The following NEDD8 variants were observed in gnomAD, a reference collection of about 807,000 sequenced individuals.
NEDD8 encodes NEDD8 ubiquitin like modifier.
NEDD8 carries 1 observed loss-of-function variant against 13.8 expected under a neutral mutation model. The ratio of observed to expected loss-of-function variants is 0.07; its 90% confidence interval spans 0.03 to 0.34. The LOEUF is 0.34. NEDD8 is among the 10% of genes least tolerant of loss of function. The pLI is 0.99. For missense variants in NEDD8, 10 were observed against 95.2 expected (o/e 0.10, Z 3.73); for synonymous variants, 31 against 33.2 (o/e 0.93, Z 0.23).
At chr14:24,232,037 C>A in intron 1 of NEDD8, 1 of 669,158 alleles carries the variant, frequency 1.5e-6, no homozygotes, top group East Asian at 2.9e-5. Context: ...GCAGGCATGG[C>A]AAAATACCCC....
chr14:24,227,013 GAATA>G (rs1566668549), intron 1 of NEDD8: 1 of 152,116 alleles, frequency 6.6e-6, no homozygotes, highest in African/African-American at 2.4e-5. Context: ...TAATAAGAAG[GAATA>G]AACCACAGAT....
At chr14:24,226,039 CAAAA>C (rs1228074409) in intron 1 of NEDD8, among the ~76,000 whole-genome samples, 1 of 105,798 alleles carries the variant, frequency 9.5e-6, no homozygotes, top group Non-Finnish European at 2.1e-5. Context: ...ACTCCATCTC[CAAAA>C]AAAAAAAAAA....
chr14:24,230,462 G>C (rs1439032015), intron 1 of NEDD8, among the ~76,000 whole-genome samples: 2 of 140,824 alleles, frequency 1.4e-5, no homozygotes, highest in Admixed American at 7.2e-5. Flanking sequence ...ATGAACCCGG[G>C]AGGCGAAGCT....
chr14:24,226,836 A>G (rs1480872309), intron 1 of NEDD8: 4 of 152,208 alleles, frequency 2.6e-5, no homozygotes, highest in Non-Finnish European at 5.9e-5. Context: ...ATTCTTAGGT[A>G]TTTATCCAAA....
intron 1 of NEDD8, among the ~76,000 whole-genome samples, chr14:24,230,135 T>C (rs72694322): frequency 0.017 from 2,404 of 144,600 alleles, 32 homozygotes; most frequent in Non-Finnish European, 0.028. Flanking sequence ...AAAATTAGTA[T>C]GAACTAGTAA....
chr14:24,226,013 T>A (rs995653560), intron 1 of NEDD8, among the ~76,000 whole-genome samples: 1 of 149,836 alleles, frequency 6.7e-6, no homozygotes, highest in African/African-American at 2.5e-5. Context: ...CACTCCAGCC[T>A]GGGTGACAGA....
chr14:24,230,866 C>T (rs1380448816), intron 1 of NEDD8, among the ~76,000 whole-genome samples: 1 of 152,122 alleles, frequency 6.6e-6, no homozygotes, highest in Non-Finnish European at 1.5e-5. Context: ...GATCCACCCA[C>T]CTCGGCCTCC....
chr14:24,217,989 G>A, intron 3 of NEDD8, 144 bp downstream of exon 3: 1 of 824,414 alleles, frequency 1.2e-6, no homozygotes, highest in Non-Finnish European at 1.8e-6. Flanking sequence ...ATTCTGAGAA[G>A]GGGCTTAGAG....
rs1043783430 is a variant in NEDD8, at chr14:24,217,274, T to G, written c.150-51A>C. ...AAAGAAAAAGAAGACTTAGGAGTTT[T>G]TTGTTGTTGTTGTTGTTGTTGTTGT... On this transcript the variant is annotated intron_variant, in intron 3 of 3. Transcript: ENST00000250495. 2.8e-4 allele frequency: 339 copies of G among 1,206,204 alleles called. 1 individual carries two copies. Among genetic ancestry groups the G allele is most frequent in the South Asian group, 7.0e-4 (51 of 73,270 alleles). The allele number at this position is 1,206,204 out of a possible 1,614,324, so 74.7% of individuals were successfully genotyped here. A position where few individuals can be genotyped will look rare whatever the true frequency, so the allele number is the denominator to read the frequency against.
At chr14:24,223,214 G>A (rs1235200261) in intron 1 of NEDD8, among the ~76,000 whole-genome samples, 3 of 151,862 alleles carry the variant, frequency 2.0e-5, no homozygotes, top group African/African-American at 4.8e-5. Flanking sequence ...ACCAGCCTGG[G>A]CAACATAGTG....
chr14:24,217,287 T>C (rs1658806270), intron 3 of NEDD8, 64 bp from the exon 4 acceptor site: 1 of 1,292,140 alleles, frequency 7.7e-7, no homozygotes, highest in African/African-American at 1.5e-5. Flanking sequence ...GTTGTTGTTG[T>C]TGTTGTTGTT....
intron 1 of NEDD8, among the ~76,000 whole-genome samples, chr14:24,219,513 A>G (rs531864032): frequency 1.3e-5 from 2 of 151,562 alleles, no homozygotes; most frequent in Admixed American, 6.6e-5. Flanking sequence ...AAAGTAAAAG[A>G]AAAAAGAGAA....
chr14:24,216,998 C>T lies in NEDD8; in HGVS notation c.*129G>A, dbSNP rs1205796842. 2.2e-5 allele frequency: 16 copies of T among 738,690 alleles called. No homozygotes were observed. Among genetic ancestry groups the T allele is most frequent in the Non-Finnish European group, 3.3e-5 (15 of 449,506 alleles). 45.8% of individuals were successfully genotyped at this position (738,690 alleles called of 1,614,324 possible). The stretch of plus-strand genomic sequence containing the variant: ...TACTGAATCCTGGGATCCTCACAGT[C>T]TCCCACCAGTAGACATACATTACTG... On this transcript the variant is annotated 3_prime_UTR_variant, in exon 4 of 4. Transcript: ENST00000250495.
At chr14:24,230,218 CAAAAAAAAAAAAAA>C (rs560583502) in intron 1 of NEDD8, among the ~76,000 whole-genome samples, 2 of 73,840 alleles carry the variant, frequency 2.7e-5, no homozygotes, top group Admixed American at 1.5e-4. Context: ...GACTCTGTCT[CAAAAAAAAAAAAAA>C]AAAAAAAAAA....
At chr14:24,222,466 C>T (rs2039823763) in intron 1 of NEDD8, among the ~76,000 whole-genome samples, 1 of 152,104 alleles carries the variant, frequency 6.6e-6, no homozygotes, top group African/African-American at 2.4e-5. Context: ...ATTTTAATTA[C>T]ATTATTATGC....
chr14:24,218,614 G>A, intron 1 of NEDD8, 183 bp from the exon 2 acceptor site: 1 of 819,514 alleles, frequency 1.2e-6, no homozygotes, highest in Non-Finnish European at 1.9e-6. Context: ...TTTTTAGGCT[G>A]TAAACAACTT....
Position 24,216,943 on chromosome 14 carries a change from G to A in NEDD8, c.*184C>T. On this transcript the variant is annotated 3_prime_UTR_variant, in exon 4 of 4. Coordinates refer to ENST00000250495, the MANE Select transcript of NEDD8 (RefSeq NM_006156.3). ...ACACAGGACTGCAAACTAACACCCA[G>A]TAGCCAGCAAGGGCCCTCTGGGCCA... is the stretch of plus-strand genomic sequence containing the variant. The A allele has an allele frequency of 1.7e-6, 1 of 590,816 alleles. No homozygotes were observed. Among genetic ancestry groups the A allele is most frequent in the Non-Finnish European group, 3.0e-6 (1 of 328,036 alleles). 36.6% of individuals were successfully genotyped at this position (590,816 alleles called of 1,614,324 possible).
chr14:24,226,811 T>C (rs1451996004), intron 1 of NEDD8: 4 of 152,232 alleles, frequency 2.6e-5, no homozygotes, highest in African/African-American at 9.6e-5. Flanking sequence ...ATCTACCACA[T>C]GACCTAGTAA....
At chr14:24,221,200 G>A (rs939509036) in intron 1 of NEDD8, among the ~76,000 whole-genome samples, 1 of 152,114 alleles carries the variant, frequency 6.6e-6, no homozygotes, top group African/African-American at 2.4e-5. Context: ...TGTCCTTTCA[G>A]AGAATGGTGG....
Sources: gnomAD v4.1 joint callset for allele counts (sites outside exome capture counted in the v4.1 genomes callset) on GRCh38, gnomAD v4.1.1 for gene constraint, MANE v1.5 for transcripts, NCBI Gene and HGNC (gene_info 2026-07-23, HGNC 2026-07-21) for gene names.